Variants in ZNF423 observed in about 807,000 individuals in gnomAD.
ZNF423 encodes the protein Ebf-associated zinc finger protein.
ZNF423 carries 12 observed loss-of-function variants against 95.8 expected under a neutral mutation model. The observed-to-expected ratio is 0.13, with a 90% CI of 0.08 to 0.20. The LOEUF is 0.20. ZNF423 is among the 10% of genes least tolerant of loss of function. The pLI is 1.00. For synonymous variants in ZNF423, 749 were observed against 711.9 expected (o/e 1.05, Z -0.83); for missense variants, 1,316 against 1,737.1 (o/e 0.76, Z 4.31).
intron 1 of ZNF423, among the ~76,000 whole-genome samples, chr16:49,800,243 CAA>C (rs111441917): frequency 1.4e-4 from 17 of 120,322 alleles, no homozygotes; most frequent in African/African-American, 1.8e-4. Context: ...GGCTCTGTCT[CAA>C]AAAAAAAAAA....
At chr16:49,743,530 G>A (rs1319318446) in intron 2 of ZNF423, among the ~76,000 whole-genome samples, 3 of 152,156 alleles carry the variant, frequency 2.0e-5, no homozygotes, top group Non-Finnish European at 2.9e-5. Context: ...GTCTGGAAGG[G>A]CCCTTCCCAC....
intron 5 of ZNF423, among the ~76,000 whole-genome samples, chr16:49,567,440 T>G (rs1970227534): frequency 6.6e-6 from 1 of 152,102 alleles, no homozygotes; most frequent in Non-Finnish European, 1.5e-5. Flanking sequence ...GAAAACACTA[T>G]GCGCTGCCCA....
intron 2 of ZNF423, among the ~76,000 whole-genome samples, chr16:49,748,755 T>G (rs1224583011): frequency 1.3e-5 from 2 of 152,180 alleles, no homozygotes; most frequent in Non-Finnish European, 2.9e-5. Flanking sequence ...GGTACCCACC[T>G]GTGACCCCCT....
chr16:49,567,609 T>C (rs1970232778), intron 5 of ZNF423, among the ~76,000 whole-genome samples: 1 of 151,672 alleles, frequency 6.6e-6, no homozygotes, highest in Non-Finnish European at 1.5e-5. Context: ...TGAAATGCAC[T>C]CACCAGGGAA....
intron 3 of ZNF423, among the ~76,000 whole-genome samples, chr16:49,724,213 G>A (rs8048144): frequency 0.16 from 25,018 of 152,152 alleles, 3,239 homozygotes; most frequent in African/African-American, 0.34. Context: ...TCTCCATGCC[G>A]TTTGAATGTT....
At chr16:49,713,698 AG>A (rs887562829) in intron 3 of ZNF423, among the ~76,000 whole-genome samples, 1 of 152,168 alleles carries the variant, frequency 6.6e-6, no homozygotes, top group African/African-American at 2.4e-5. Flanking sequence ...ACCCTGACCA[AG>A]GGGGTATTCT....
At chr16:49,757,914 T>A (rs1259875711) in intron 2 of ZNF423, among the ~76,000 whole-genome samples, 2 of 152,082 alleles carry the variant, frequency 1.3e-5, no homozygotes, top group African/African-American at 2.4e-5. Context: ...GCTCCTCCCC[T>A]CCACACTGTT....
At chr16:49,708,018 G>A (rs2032412458) in intron 3 of ZNF423, 1 of 154,276 alleles carries the variant, frequency 6.5e-6, no homozygotes, top group East Asian at 1.9e-4. Context: ...AACATCTGGA[G>A]TTCATTGCCA....
intron 3 of ZNF423, among the ~76,000 whole-genome samples, chr16:49,665,819 A>C (rs2030514044): frequency 6.6e-6 from 1 of 152,186 alleles, no homozygotes; most frequent in South Asian, 2.1e-4. Context: ...GGGGGATGGG[A>C]AGACAGAAGG....
intron 3 of ZNF423, among the ~76,000 whole-genome samples, chr16:49,674,969 C>A (rs2030984838): frequency 1.3e-5 from 2 of 152,168 alleles, no homozygotes; most frequent in Non-Finnish European, 2.9e-5. Context: ...CCATCCTTCC[C>A]ACCACCCAGG....
At chr16:49,708,399 G>A (rs1474897227) in intron 3 of ZNF423, among the ~76,000 whole-genome samples, 4 of 151,792 alleles carry the variant, frequency 2.6e-5, no homozygotes, top group African/African-American at 4.8e-5. Flanking sequence ...GGGTTCAACC[G>A]CCTCAGCCTC....
chr16:49,593,641 G>A lies in ZNF423; in HGVS notation c.3601+32529C>T, dbSNP rs145143235. Among the ~76,000 whole-genome samples, 34 of 152,080 alleles carry A rather than the reference G, an allele frequency of 2.2e-4. No individual in the cohort carries two copies. The East Asian group carries it at 5.8e-3, about 26-fold the overall frequency. On this transcript the variant is annotated intron_variant, in intron 5 of 7. Coordinates refer to ENST00000563137, the MANE Select transcript of ZNF423 (RefSeq NM_001379286.1). Reference sequence around the variant, plus strand: ...CCTGCAACCAAGCCATATGCCCTCCGTGCCTTTGTTTCTCCATCTGTATAC... The same window carrying A: ...CCTGCAACCAAGCCATATGCCCTCCATGCCTTTGTTTCTCCATCTGTATAC...
intron 3 of ZNF423, among the ~76,000 whole-genome samples, chr16:49,651,773 A>G (rs9940358): frequency 0.3 from 46,383 of 152,078 alleles, 10,158 homozygotes; most frequent in African/African-American, 0.62. Flanking sequence ...CTGGCTCCCA[A>G]ATCACCATAA....
intron 3 of ZNF423, among the ~76,000 whole-genome samples, chr16:49,702,931 A>ACACG (rs2032236676): frequency 6.6e-6 from 1 of 151,706 alleles, no homozygotes; most frequent in African/African-American, 2.4e-5. Context: ...ACACACACAC[A>ACACG]CACACACACA....
intron 5 of ZNF423, among the ~76,000 whole-genome samples, chr16:49,614,205 A>T (rs1022687700): frequency 6.6e-6 from 1 of 152,274 alleles, no homozygotes; most frequent in South Asian, 2.1e-4. Context: ...GATGTTCAAC[A>T]TCATTAGCCA....
intron 1 of ZNF423, among the ~76,000 whole-genome samples, chr16:49,835,483 C>T (rs1018148525): frequency 7.9e-5 from 12 of 152,220 alleles, no homozygotes; most frequent in East Asian, 5.8e-4. Context: ...CAAACAGCGA[C>T]GCCCCCTAGC....
rs1256506262 is a variant in ZNF423 at position 49,855,865 on chromosome 16, C to G, written c.-91G>C. 1 of 152,080 alleles carries G rather than the reference C, an allele frequency of 6.6e-6. No individual in the cohort carries two copies. The highest frequency in any genetic ancestry group is 6.5e-5 in the Admixed American group (1 of 15,282). The allele number at this position is 152,080 out of a possible 1,614,324, so 9.4% of individuals were successfully genotyped here. A position where few individuals can be genotyped will look rare whatever the true frequency, so the allele number is the denominator to read the frequency against. The stretch of plus-strand genomic sequence containing the variant: ...GGGCAGCCCTTCTCCCCCTTCTCCT[C>G]CGCCTGTCTCTTGGAAACTTTTTTT... On this transcript the variant is annotated 5_prime_UTR_variant, in exon 1 of 8. Coordinates refer to ENST00000563137, the MANE Select transcript of ZNF423 (RefSeq NM_001379286.1). The surrounding 1 kb of genome is among the most constrained non-coding windows in gnomAD (Gnocchi z 4.7).
chr16:49,733,213 T>TAA (rs34982742), intron 2 of ZNF423, among the ~76,000 whole-genome samples: 115 of 150,608 alleles, frequency 7.6e-4, no homozygotes, highest in Non-Finnish European at 1.0e-3. Flanking sequence ...CTTTCCTTAA[T>TAA]AAAAAAAAAA....
At chr16:49,695,428 G>A (rs2031931724) in intron 3 of ZNF423, among the ~76,000 whole-genome samples, 1 of 152,222 alleles carries the variant, frequency 6.6e-6, no homozygotes, top group South Asian at 2.1e-4. Flanking sequence ...CAAGTAGCTG[G>A]GATTATAGGC....
Sources: allele counts gnomAD v4.1 joint callset (sites outside exome capture counted in the v4.1 genomes callset), GRCh38; gene constraint gnomAD v4.1.1; non-coding constraint Gnocchi (gnomAD v3.1); transcripts MANE v1.5; gene names NCBI Gene and HGNC (gene_info 2026-07-23, HGNC 2026-07-21).